The following NLRC3 variants were observed in gnomAD, a reference collection of about 807,000 sequenced individuals.
NLRC3 encodes NLR family CARD domain containing 3, also known as NLR family CARD domain-containing protein 3.
Under a neutral mutation model 91.6 loss-of-function variants are expected in NLRC3, and 87 were observed. The ratio of observed to expected loss-of-function variants is 0.95; its 90% confidence interval spans 0.80 to 1.14. NLRC3 has a LOEUF of 1.14. NLRC3 is among the 50% of genes most tolerant of loss of function. The probability of loss-of-function intolerance (pLI) is 0.00; values close to 1 mark genes in which losing one functional copy is unlikely to be tolerated. For synonymous variants in NLRC3, 694 were observed against 625.3 expected, an observed-to-expected ratio of 1.11 and a Z score of -1.64; for missense variants, 1,577 against 1,418.6, an observed-to-expected ratio of 1.11 and a Z score of -1.79.
chr16:3,556,338 A>G (rs1345041692), intron 8 of NLRC3, among the ~76,000 whole-genome samples: 1 of 141,800 alleles, frequency 7.1e-6, no homozygotes, highest in African/African-American at 2.8e-5. Flanking sequence ...AAAAAAAAAA[A>G]AAAAAAAAAA....
At chr16:3,574,091 C>T (rs1473257714) in intron 1 of NLRC3, among the ~76,000 whole-genome samples, 2 of 127,826 alleles carry the variant, frequency 1.6e-5, no homozygotes, top group Non-Finnish European at 3.1e-5. Flanking sequence ...GGCACTATCT[C>T]GTCTCACTGC....
At chr16:3,565,593 A>T (rs1193532868) in intron 2 of NLRC3, among the ~76,000 whole-genome samples, 1 of 151,334 alleles carries the variant, frequency 6.6e-6, no homozygotes, top group Non-Finnish European at 1.5e-5. Context: ...AGTGAAAGAA[A>T]GGGTCAGTGG....
rs1351162102 is a variant in NLRC3, at chr16:3,564,746, T to A, written c.191A>T (p.Gln64Leu). 1 of 1,582,852 alleles carries A rather than the reference T, an allele frequency of 6.3e-7. No homozygotes were observed. Among genetic ancestry groups the A allele is most frequent in the Non-Finnish European group, 8.5e-7 (1 of 1,170,022 alleles). The change falls in exon 5 of 20, where the codon CAG becomes CTG. Residue 64 changes from glutamine (Q) to leucine (L), a missense_variant. Coordinates refer to ENST00000359128, the MANE Select transcript of NLRC3 (RefSeq NM_178844.4). This position sits in a 1 kb window ranked among gnomAD's most constrained non-coding sequence, Gnocchi z 5.9. ...LGPCSNDSRI[Q>L]RHRKALLSKV... ...GCTCAGCAGGGCCTTGCGGTGCCTC[T>A]GTATCCTTGAGTCTGCGGGACAGAG...
At chr16:3,544,368 C>T (rs1005769366) in intron 15 of NLRC3, 39 bp from the exon 16 acceptor site, 3 of 1,442,382 alleles carry the variant, frequency 2.1e-6, no homozygotes, top group South Asian at 2.3e-5. Flanking sequence ...GCACGGGGCA[C>T]AGGGAGCATT....
chr16:3,576,590 G>A (rs1290722840), intron 1 of NLRC3, among the ~76,000 whole-genome samples: 1 of 152,220 alleles, frequency 6.6e-6, no homozygotes. Flanking sequence ...ACTGGTACCT[G>A]GGGGAGCTGG....
At chr16:3,566,101 CAAAAAAAA>C (rs1027448717) in intron 2 of NLRC3, among the ~76,000 whole-genome samples, 1 of 21,316 alleles carries the variant, frequency 4.7e-5, no homozygotes, top group Non-Finnish European at 8.3e-5. Flanking sequence ...GAGCAAAAAG[CAAAAAAAA>C]AAAAAAAAAA....
Position 3,563,396 on chromosome 16 carries a change from A to G in NLRC3, c.1541T>C (p.Leu514Pro). 1 of 1,580,118 alleles carries G rather than the reference A, an allele frequency of 6.3e-7. No homozygotes were observed. Among genetic ancestry groups the G allele is most frequent in the Non-Finnish European group, 8.6e-7 (1 of 1,163,708 alleles). Reference protein sequence around the residue: ...QAEDGRLDVFLRFLSGLLSPR... With the variant: ...QAEDGRLDVFPRFLSGLLSPR... ...AGACAAGAGGCCGGAGAGGAAGCGC[A>G]GGAACACGTCCAGCCTCCCGTCCTC... The change falls in exon 5 of 20, where the codon CTG (leucine) becomes CCG (proline). Residue 514 changes from leucine to proline, a missense_variant. Transcript: ENST00000359128.
chr16:3,567,617 T>C (rs1420726824), intron 1 of NLRC3, among the ~76,000 whole-genome samples: 1 of 151,242 alleles, frequency 6.6e-6, no homozygotes, highest in Non-Finnish European at 1.5e-5. Flanking sequence ...CTACTAATAA[T>C]ACAAATGAGC....
At chr16:3,553,754 A>AT (rs35177860) in intron 9 of NLRC3, among the ~76,000 whole-genome samples, 28 of 148,032 alleles carry the variant, frequency 1.9e-4, no homozygotes, top group East Asian at 1.8e-3. Context: ...TTTTAATTTT[A>AT]TTTTTTTTTG....
chr16:3,573,775 C>T (rs941548451), intron 1 of NLRC3, among the ~76,000 whole-genome samples: 2 of 152,108 alleles, frequency 1.3e-5, no homozygotes, highest in Non-Finnish European at 2.9e-5. Context: ...CCATTTTAAC[C>T]ATTTTAAAAA....
At chr16:3,573,011 CAAAA>C (rs58940028) in intron 1 of NLRC3, among the ~76,000 whole-genome samples, 2 of 75,262 alleles carry the variant, frequency 2.7e-5, no homozygotes, top group African/African-American at 5.0e-5. Context: ...GACTCTATCT[CAAAA>C]AAAAAAAAAA....
In NLRC3 at chr16:3,541,740, C is replaced by T; in HGVS notation, c.*85G>A. Reference sequence around the variant, plus strand: ...GCTGAGCAAGCAGCGTTCCCAGCTCCCAGACAGGCCCCCCAGAAGTCGGCC... The same window carrying T: ...GCTGAGCAAGCAGCGTTCCCAGCTCTCAGACAGGCCCCCCAGAAGTCGGCC... On this transcript the variant is annotated 3_prime_UTR_variant, in exon 20 of 20. Coordinates refer to ENST00000359128, the MANE Select transcript of NLRC3 (RefSeq NM_178844.4). 1 of 891,990 alleles carries T rather than the reference C, an allele frequency of 1.1e-6. No individual in the cohort carries two copies. The allele number at this position is 891,990 out of a possible 1,614,324, so 55.3% of individuals were successfully genotyped here.
rs113059286 is a variant in NLRC3, at chr16:3,563,923, C to G, written c.1014G>C (p.Ala338=). 20 of 1,592,672 alleles carry G rather than the reference C, an allele frequency of 1.3e-5. No individual in the cohort carries two copies. Among genetic ancestry groups the G allele is most frequent in the Non-Finnish European group, 1.7e-5 (20 of 1,171,176 alleles). Residue 338 remains alanine, a synonymous_variant, in exon 5 of 20, where the codon GCG becomes GCC. Coordinates refer to ENST00000359128, the MANE Select transcript of NLRC3 (RefSeq NM_178844.4). ...TCCTGCTGCGCCACAGGTGGCCTAG[C>G]GCCATCCCCGTGAGCCTGCAGAAGG... ...VPAFCRLTGM[A]LGHLWRSRTG...
intron 6 of NLRC3, among the ~76,000 whole-genome samples, chr16:3,560,764 A>G (rs958339368): frequency 1.3e-5 from 2 of 151,764 alleles, no homozygotes; most frequent in Non-Finnish European, 2.9e-5. Flanking sequence ...GGTTCACGCC[A>G]TTCTCCTGCC....
At position 3,542,707 on chromosome 16, in the gene NLRC3, C is replaced by G; in HGVS notation, c.3008G>C (p.Ser1003Thr). Reference protein sequence around the residue: ...ALANALKVNSSLRRLNLQENS... With the variant: ...ALANALKVNSTLRRLNLQENS... ...AGCCACTTACTTGAGTCTCCGGAGA[C>G]TTGAGTTTACCTTCAGAGCATTTGC... Residue 1003 changes from serine to threonine, a missense_variant, in exon 18 of 20, where the codon AGT (serine) becomes ACT (threonine). Transcript: ENST00000359128. The G allele has an allele frequency of 6.2e-7, 1 of 1,609,724 alleles. No individual in the cohort carries two copies. Among genetic ancestry groups the G allele is most frequent in the Non-Finnish European group, 8.5e-7 (1 of 1,177,670 alleles).
rs182459660 is a variant in NLRC3, at chr16:3,557,671, G to A, written c.2021C>T (p.Ala674Val). Residue 674 changes from alanine (A) to valine (V), a missense_variant, in exon 7 of 20, where the codon GCG (alanine) becomes GTG (valine). Coordinates refer to ENST00000359128, the MANE Select transcript of NLRC3 (RefSeq NM_178844.4). ...CCCTTTGTTACTGATCTGGTTCTCC[G>A]CCAAGCTGCCCAAGGAAAGGGAGAG... ...KDCRIQKISL[A>V]ENQISNKGAK... The A allele has an allele frequency of 1.7e-4, 271 of 1,611,156 alleles. No individual in the cohort carries two copies. In the African/African-American group the frequency reaches 2.1e-3, roughly 12 times the overall value.
intron 1 of NLRC3, among the ~76,000 whole-genome samples, chr16:3,567,911 G>A (rs930399592): frequency 1.3e-5 from 2 of 151,036 alleles, no homozygotes; most frequent in Non-Finnish European, 2.9e-5. Context: ...TGTTGCCCAG[G>A]CTGGAGTGCA....
rs756360335 is a variant in NLRC3, at chr16:3,561,751, G to A, written c.1966C>T (p.Leu656=). ...TTCCCACTCAGCACGCTGCCCAGCA[G>A]CTCCATCACGGGGTCCTGGAACTGG... is the stretch of plus-strand genomic sequence containing the variant. The part of the protein sequence containing the change: ...TNQFQDPVME[L]LGSVLSGKDC... Residue 656 remains leucine, a synonymous_variant, in exon 6 of 20, where the codon CTG becomes TTG. Coordinates refer to ENST00000359128, the MANE Select transcript of NLRC3 (RefSeq NM_178844.4). 1 of 1,613,632 alleles carries A rather than the reference G, an allele frequency of 6.2e-7. No homozygotes were observed. The highest frequency in any genetic ancestry group is 8.5e-7 in the Non-Finnish European group (1 of 1,179,734).
At chr16:3,551,061 C>G (rs1038465823) in intron 10 of NLRC3, among the ~76,000 whole-genome samples, 7 of 152,004 alleles carry the variant, frequency 4.6e-5, no homozygotes, top group Non-Finnish European at 8.8e-5. Context: ...ATCCATCCAC[C>G]TACCCATCAG....
Sources: allele counts gnomAD v4.1 joint callset (sites outside exome capture counted in the v4.1 genomes callset), GRCh38; gene constraint gnomAD v4.1.1; non-coding constraint Gnocchi (gnomAD v3.1); transcripts MANE v1.5; gene names NCBI Gene and HGNC (gene_info 2026-07-23, HGNC 2026-07-21).